The following TICRR variants were observed in gnomAD, a reference collection of about 807,000 sequenced individuals.
TICRR encodes treslin.
Under a neutral mutation model 178.1 loss-of-function variants are expected in TICRR, and 132 were observed. That is an observed-to-expected ratio of 0.74 (90% CI 0.64 to 0.86). The LOEUF (loss-of-function observed/expected upper bound fraction) is 0.86, where lower values mean the gene tolerates loss of function less well. Among genes scored for constraint, TICRR ranks in the 40% least tolerant of loss-of-function variants. TICRR has a pLI of 0.00. For missense variants in TICRR, 2,587 were observed against 2,334.3 expected (o/e 1.11, Z -2.23); for synonymous variants, 991 against 900.7 (o/e 1.10, Z -1.79).
Position 89,575,637 on chromosome 15 carries a change from C to T in TICRR, c.51C>T (p.Ala17=). The change falls in exon 1 of 22, where the codon GCC becomes GCT. Residue 17 remains alanine (A), a synonymous_variant. Transcript: ENST00000268138. ...VMLLLDTAGG[A]ARHSRVRRAA... The stretch of plus-strand genomic sequence containing the variant: ...TGCTGCTGGACACCGCGGGCGGCGC[C>T]GCCCGCCACAGCCGGGTCCGGCGGG... 1.3e-6 allele frequency: 2 copies of T among 1,552,312 alleles called. No homozygotes were observed. Among genetic ancestry groups the T allele is most frequent in the East Asian group, 2.4e-5 (1 of 41,716 alleles).
At position 89,609,282 on chromosome 15, in the gene TICRR, T is replaced by A. The variant is rs1355717527; in HGVS notation, c.2869+333T>A. On this transcript the variant is annotated intron_variant, in intron 15 of 21. Coordinates refer to ENST00000268138, the MANE Select transcript of TICRR (RefSeq NM_152259.4). ...TACACTACCACACCCAGCTAATTTTTAAAATTTTTTTGTGGAGACATGGTC... is the reference window on the plus strand; with the variant it reads ...TACACTACCACACCCAGCTAATTTTAAAAATTTTTTTGTGGAGACATGGTC... Among the ~76,000 whole-genome samples the A allele has an allele frequency of 3.3e-5, 5 of 151,212 alleles. No individual in the cohort carries two copies. The South Asian group carries it at 8.4e-4, about 25-fold the overall frequency.
chr15:89,601,936 G>A lies in TICRR; in HGVS notation c.2527G>A (p.Glu843Lys), dbSNP rs967967783. 6.2e-7 allele frequency: 1 copy of A among 1,614,092 alleles called. No individual in the cohort carries two copies. The highest frequency in any genetic ancestry group is 1.1e-5 in the South Asian group (1 of 91,072). The change falls in exon 12 of 22, where the codon GAA becomes AAA. Residue 843 changes from glutamate to lysine, a missense_variant. Glu to Lys is a moderately conservative substitution (Grantham distance 56). Transcript: ENST00000268138. ...RSVSGSPESD[E>K]LQELRTRSAK... is the part of the protein sequence containing the mutation. ...AGTGTCAGGCAGCCCTGAATCTGAT[G>A]AACTGCAGGAACTTCGTACCAGATC...
At chr15:89,601,230 C>A in intron 9 of TICRR, 68 bp from the exon 10 acceptor site, 1 of 1,393,798 alleles carries the variant, frequency 7.2e-7, no homozygotes, top group Non-Finnish European at 1.0e-6. Context: ...TAGATCTATG[C>A]TTACGGAAGG....
intron 15 of TICRR, among the ~76,000 whole-genome samples, chr15:89,613,505 C>T (rs1963284831): frequency 1.3e-5 from 2 of 152,114 alleles, no homozygotes; most frequent in South Asian, 4.1e-4. Flanking sequence ...GTTCTTTCTG[C>T]CTCTTCCTTT....
Position 89,623,890 on chromosome 15 carries a change from A to C in TICRR, c.3580A>C (p.Arg1194=). ...EGTSLETKTP[R]TPKRQGTQPP... ...TACCTCTCTTGAAACGAAGACACCA[A>C]GAACTCCTAAGAGGCAAGGTACTCA... The change falls in exon 20 of 22, where the codon AGA becomes CGA. Residue 1194 remains arginine, a synonymous_variant. Transcript: ENST00000268138. The C allele has an allele frequency of 6.2e-7, 1 of 1,614,036 alleles. No homozygotes were observed. Among genetic ancestry groups the C allele is most frequent in the Non-Finnish European group, 8.5e-7 (1 of 1,180,020 alleles).
chr15:89,627,141 A>C lies in TICRR; in HGVS notation c.*55A>C. The C allele has an allele frequency of 6.2e-7, 1 of 1,603,664 alleles. No individual in the cohort carries two copies. Among genetic ancestry groups the C allele is most frequent in the Non-Finnish European group, 8.5e-7 (1 of 1,175,220 alleles). On this transcript the variant is annotated 3_prime_UTR_variant, in exon 22 of 22. Coordinates refer to ENST00000268138, the MANE Select transcript of TICRR (RefSeq NM_152259.4). ...AGGAGTCAGCCAGGACCCTGTGGAC[A>C]TAAAGAAGTTGGATGCCTGGTCCCA...
At chr15:89,605,337 C>T (rs1257641472) in intron 13 of TICRR, among the ~76,000 whole-genome samples, 1 of 152,134 alleles carries the variant, frequency 6.6e-6, no homozygotes, top group Non-Finnish European at 1.5e-5. Context: ...GTTTACTGAA[C>T]CCTGGATAGG....
chr15:89,627,832 G>T lies in TICRR; in HGVS notation c.*746G>T, dbSNP rs569892063. On this transcript the variant is annotated 3_prime_UTR_variant, in exon 22 of 22. Coordinates refer to ENST00000268138, the MANE Select transcript of TICRR (RefSeq NM_152259.4). Reference sequence around the variant, plus strand: ...GACCCGCTGGACCAGCCTGCTGCGGGTCCTGGCCAGGGGTCTGGCTAACGG... The same window carrying T: ...GACCCGCTGGACCAGCCTGCTGCGGTTCCTGGCCAGGGGTCTGGCTAACGG... 1 of 152,554 alleles carries T rather than the reference G, an allele frequency of 6.6e-6. No individual in the cohort carries two copies. The allele number at this position is 152,554 out of a possible 1,614,324, so 9.5% of individuals were successfully genotyped here. A position where few individuals can be genotyped will look rare whatever the true frequency, so the allele number is the denominator to read the frequency against.
chr15:89,617,754 C>T (rs1275348451), intron 16 of TICRR, among the ~76,000 whole-genome samples: 2 of 148,778 alleles, frequency 1.3e-5, no homozygotes, highest in Admixed American at 6.8e-5. Context: ...TGCAGTGGCG[C>T]GATCCTGGCT....
At chr15:89,582,432 G>T in intron 1 of TICRR, 1 of 400,230 alleles carries the variant, frequency 2.5e-6, no homozygotes, top group East Asian at 4.4e-5. Context: ...TCTGTTCCTT[G>T]ACAAAAAATA....
At position 89,601,748 on chromosome 15, in the gene TICRR, C is replaced by G. The variant is rs761102170; in HGVS notation, c.2339C>G (p.Ser780Cys). 44 of 1,614,152 alleles carry G rather than the reference C, an allele frequency of 2.7e-5. No individual in the cohort carries two copies. In the East Asian group the frequency reaches 7.8e-4, roughly 29 times the overall value. The change falls in exon 12 of 22, where the codon TCT (serine) becomes TGT (cysteine). Residue 780 changes from serine (S) to cysteine (C), a missense_variant. Coordinates refer to ENST00000268138, the MANE Select transcript of TICRR (RefSeq NM_152259.4). The part of the protein sequence containing the change: ...LEEILRLYID[S>C]IPKTLGNLYN... Reference sequence around the variant, plus strand: ...AATCTGTTCCACAGGTATATTGACTCTATCCCAAAGACACTTGGAAATCTT... The same window carrying G: ...AATCTGTTCCACAGGTATATTGACTGTATCCCAAAGACACTTGGAAATCTT...
At chr15:89,576,329 C>A (rs932414833) in intron 1 of TICRR, 89 bp downstream of exon 1, 4 of 1,243,614 alleles carry the variant, frequency 3.2e-6, no homozygotes, top group Non-Finnish European at 4.3e-6. Context: ...CAGCCACAGA[C>A]CCCGAATGAG....
Position 89,575,479 on chromosome 15 carries a change from C to G in TICRR, c.-108C>G. On this transcript the variant is annotated 5_prime_UTR_variant, in exon 1 of 22. Transcript: ENST00000268138. Reference sequence around the variant, plus strand: ...CCTGGAGAGCGCGGGAGCCTTTCGACCAGGGTCCCAAAGGAAAGCAGTGAG... The same window carrying G: ...CCTGGAGAGCGCGGGAGCCTTTCGAGCAGGGTCCCAAAGGAAAGCAGTGAG... 2 of 1,154,476 alleles carry G rather than the reference C, an allele frequency of 1.7e-6. No homozygotes were observed. The highest frequency in any genetic ancestry group is 2.3e-6 in the Non-Finnish European group (2 of 862,424). The allele number at this position is 1,154,476 out of a possible 1,614,324, so 71.5% of individuals were successfully genotyped here.
At position 89,625,091 on chromosome 15, in the gene TICRR, GCT is replaced by G. The variant is rs757734470; in HGVS notation, c.4786_4787del (p.Leu1596GlyfsTer22). The G allele has an allele frequency of 3.9e-5, 63 of 1,613,818 alleles. No homozygotes were observed. Among genetic ancestry groups the G allele is most frequent in the Non-Finnish European group, 5.0e-5 (59 of 1,180,008 alleles). ...GCTGAGCCCCTCAGCAAGGAGGAGA[GCT>G]CTCTGGGAGAAGAGAGCTTCCTCCC... On this transcript the variant is annotated frameshift_variant, in exon 20 of 22. Coordinates refer to ENST00000268138, the MANE Select transcript of TICRR (RefSeq NM_152259.4). LOFTEE classifies it high-confidence loss of function.
intron 6 of TICRR, 84 bp from the exon 7 acceptor site, chr15:89,595,309 C>G: frequency 1.1e-6 from 1 of 947,206 alleles, no homozygotes. Flanking sequence ...GATATTCTTT[C>G]ACAGTAATCT....
At chr15:89,590,678 G>A (rs1487310671) in intron 4 of TICRR, among the ~76,000 whole-genome samples, 1 of 152,104 alleles carries the variant, frequency 6.6e-6, no homozygotes, top group Admixed American at 6.5e-5. Flanking sequence ...CCATCTAGAC[G>A]GAGTTAGCAT....
Position 89,587,592 on chromosome 15 carries a change from G to A in TICRR, c.1411+1650G>A, listed in dbSNP as rs28550673. Among the ~76,000 whole-genome samples, 187 of 152,254 alleles carry A rather than the reference G, an allele frequency of 1.2e-3. 2 individuals carry two copies. Among genetic ancestry groups the A allele is most frequent in the African/African-American group, 4.1e-3 (172 of 41,562 alleles). On this transcript the variant is annotated intron_variant, in intron 4 of 21. Coordinates refer to ENST00000268138, the MANE Select transcript of TICRR (RefSeq NM_152259.4). ...CAGATTGTGGTACCCTGGAAGCCAA[G>A]TGAAGACAGGAAATGCTTGGCTGGG...
At position 89,576,132 on chromosome 15, in the gene TICRR, GC is replaced by G; in HGVS notation, c.549del (p.Thr184ProfsTer5). 6.2e-7 allele frequency: 1 copy of G among 1,609,276 alleles called. No individual in the cohort carries two copies. On this transcript the variant is annotated frameshift_variant, in exon 1 of 22. Transcript: ENST00000268138. LOFTEE classifies it high-confidence loss of function. ...GCEAQAQRLP[P>X]TPKQVMEKLL... The stretch of plus-strand genomic sequence containing the variant: ...GCGAGGCCCAGGCCCAGCGCCTGCC[GC>G]CCACCCCTAAGCAGGTGATGGAGAA...
At chr15:89,620,968 G>A (rs186681073) in intron 18 of TICRR, among the ~76,000 whole-genome samples, 282 of 151,688 alleles carry the variant, frequency 1.9e-3, no homozygotes, top group African/African-American at 6.5e-3. Context: ...TGATCTGCCC[G>A]CCTCAGCCTC....
Sources: gnomAD v4.1 joint callset for allele counts (sites outside exome capture counted in the v4.1 genomes callset) on GRCh38, gnomAD v4.1.1 for gene constraint, MANE v1.5 for transcripts, NCBI Gene and HGNC (gene_info 2026-07-23, HGNC 2026-07-21) for gene names.